The following USP21 variants were observed in gnomAD, a reference collection of about 807,000 sequenced individuals.
The protein encoded by USP21 is ubiquitin carboxyl-terminal hydrolase 21.
USP21 carries 37 observed loss-of-function variants against 70.8 expected under a neutral mutation model. The ratio of observed to expected loss-of-function variants is 0.52; its 90% CI spans 0.40 to 0.69. USP21 has a LOEUF of 0.69. USP21 is among the 30% of genes least tolerant of loss of function. The probability of loss-of-function intolerance (pLI) is 0.00; values close to 1 mark genes in which losing one functional copy is unlikely to be tolerated. For synonymous variants in USP21, 263 were observed against 283.1 expected (o/e 0.93, Z 0.71); for missense variants, 584 against 740.8 (o/e 0.79, Z 2.46).
Position 161,162,731 on chromosome 1 carries a change from G to T in USP21, c.893+5G>T. 1 of 1,608,216 alleles carries T rather than the reference G, an allele frequency of 6.2e-7. No homozygotes were observed. Among genetic ancestry groups the T allele is most frequent in the South Asian group, 1.1e-5 (1 of 90,960 alleles). On this transcript the variant is annotated splice_donor_5th_base_variant and intron_variant, in intron 6 of 13. Coordinates refer to ENST00000368002, the MANE Select transcript of USP21 (RefSeq NM_001014443.3). The surrounding 1 kb of genome is among the most constrained non-coding windows in gnomAD (Gnocchi z 4.1). Reference sequence around the variant, plus strand: ...TCCCTCCTTCTCTGGATACAGGTGGGAGAGCTGGAGGCTATGGGATTTCTC... The same window carrying T: ...TCCCTCCTTCTCTGGATACAGGTGGTAGAGCTGGAGGCTATGGGATTTCTC...
intron 8 of USP21, 55 bp downstream of exon 8, chr1:161,163,674 C>A (rs1658131074): frequency 1.3e-6 from 2 of 1,551,176 alleles, no homozygotes; most frequent in South Asian, 1.1e-5. Context: ...GGGGTACAGG[C>A]TTGGGGGGAA....
intron 13 of USP21, 89 bp downstream of exon 13, chr1:161,165,232 C>T (rs1658517663): frequency 2.1e-6 from 3 of 1,441,502 alleles, no homozygotes; most frequent in Non-Finnish European, 2.9e-6. Context: ...GAGCAGAGTG[C>T]CAGGTGAAAG....
At chr1:161,163,403 G>T (rs1238000781) in intron 7 of USP21, 152 bp from the exon 8 acceptor site, 5 of 720,084 alleles carry the variant, frequency 6.9e-6, no homozygotes, top group Non-Finnish European at 9.5e-6. Context: ...GTTCATTGAG[G>T]CATTATTCTT....
Position 161,161,377 on chromosome 1 carries a change from C to T in USP21, c.600+137C>T. ...TTACAGCAGTTTGGACATGCCTCTC[C>T]CTTGCTTAAATACCCTTGAGCCTCC... is the stretch of plus-strand genomic sequence containing the variant. On this transcript the variant is annotated intron_variant, in intron 3 of 13. Coordinates refer to ENST00000368002, the MANE Select transcript of USP21 (RefSeq NM_001014443.3). This position sits in a 1 kb window ranked among gnomAD's most constrained non-coding sequence, Gnocchi z 4.2. 2 of 1,166,282 alleles carry T rather than the reference C, an allele frequency of 1.7e-6. No homozygotes were observed. Among genetic ancestry groups the T allele is most frequent in the South Asian group, 3.1e-5 (2 of 63,632 alleles). 72.2% of individuals were successfully genotyped at this position (1,166,282 alleles called of 1,614,324 possible). A position where few individuals can be genotyped will look rare whatever the true frequency, so the allele number is the denominator to read the frequency against.
chr1:161,162,944 A>T lies in USP21; in HGVS notation c.919A>T (p.Lys307Ter). Residue 307 changes from lysine to a stop codon, truncating the protein, a stop_gained, in exon 7 of 14, where the codon AAG becomes TAG. Coordinates refer to ENST00000368002, the MANE Select transcript of USP21 (RefSeq NM_001014443.3). LOFTEE classifies it high-confidence loss of function. This position sits in a 1 kb window ranked among gnomAD's most constrained non-coding sequence, Gnocchi z 4.1. ...CCAGCAGGATGCCCAAGAGTTCCTG[A>T]AGCTCCTCATGGAGCGGCTACACCT... ...YSQQDAQEFL[K>*]LLMERLHLEI... 6.2e-7 allele frequency: 1 copy of T among 1,611,220 alleles called. No individual in the cohort carries two copies.
Position 161,164,437 on chromosome 1 carries a change from A to T in USP21, c.1306-97A>T. Reference sequence around the variant, plus strand: ...GAGAAGCCAAGAGGATCCAGCTGTAATGAAGAGCATACTAAATTTGTATGT... The same window carrying T: ...GAGAAGCCAAGAGGATCCAGCTGTATTGAAGAGCATACTAAATTTGTATGT... On this transcript the variant is annotated intron_variant, in intron 10 of 13. Transcript: ENST00000368002. This position sits in a 1 kb window ranked among gnomAD's most constrained non-coding sequence, Gnocchi z 4.2. The T allele has an allele frequency of 6.7e-7, 1 of 1,489,172 alleles. No homozygotes were observed. Among genetic ancestry groups the T allele is most frequent in the Non-Finnish European group, 9.3e-7 (1 of 1,071,866 alleles). 92.2% of individuals were successfully genotyped at this position (1,489,172 alleles called of 1,614,324 possible). A position where few individuals can be genotyped will look rare whatever the true frequency, so the allele number is the denominator to read the frequency against.
rs747000635 is a variant in USP21, at chr1:161,162,245, C to T, written c.661-25C>T. 8.1e-6 allele frequency: 13 copies of T among 1,606,918 alleles called. No homozygotes were observed. Among genetic ancestry groups the T allele is most frequent in the African/African-American group, 5.3e-5 (4 of 74,778 alleles). On this transcript the variant is annotated intron_variant, in intron 4 of 13. Transcript: ENST00000368002. This position sits in a 1 kb window ranked among gnomAD's most constrained non-coding sequence, Gnocchi z 4.1. ...CCTGGGCAGTGGTCTGGAGAGATAA[C>T]AGCAGTGTCCCTACTGCTCCCCAGT...
chr1:161,164,292 C>T lies in USP21; in HGVS notation c.1305+42C>T, dbSNP rs756279751. The T allele has an allele frequency of 6.4e-7, 1 of 1,571,558 alleles. No individual in the cohort carries two copies. Among genetic ancestry groups the T allele is most frequent in the South Asian group, 1.1e-5 (1 of 90,112 alleles). ...AAGGGATACAGTAAGGGTGGGAGAC[C>T]TGGGGGGACTCCATGTGGATAAAAG... On this transcript the variant is annotated intron_variant, in intron 10 of 13. Transcript: ENST00000368002. The surrounding 1 kb of genome is among the most constrained non-coding windows in gnomAD (Gnocchi z 4.2).
In USP21 at chr1:161,159,773, G is replaced by A. The variant is rs540465468; in HGVS notation, c.-163+95G>A. ...GAGGACACTCTCCACAAAGGCGCGT[G>A]GGGCCCGGCGGGGCCTGGGAGAACT... On this transcript the variant is annotated intron_variant, in intron 1 of 13. Transcript: ENST00000368002. 3.1e-3 allele frequency: 480 copies of A among 152,508 alleles called. 1 individual carries two copies. Among genetic ancestry groups the A allele is most frequent in the Non-Finnish European group, 5.7e-3 (388 of 68,152 alleles). 9.4% of individuals were successfully genotyped at this position (152,508 alleles called of 1,614,324 possible). A position where few individuals can be genotyped will look rare whatever the true frequency, so the allele number is the denominator to read the frequency against.
chr1:161,163,378 G>A lies in USP21; in HGVS notation c.1050-177G>A, dbSNP rs557309358. On this transcript the variant is annotated intron_variant, in intron 7 of 13. Transcript: ENST00000368002. ...CATTCCTTTCTTTTCCTCTCACCTC[G>A]GATTTCCCTAGAAAGTTCATTGAGG... 3.9e-5 allele frequency among the ~76,000 whole-genome samples: 6 copies of A among 152,122 alleles called. No individual in the cohort carries two copies. The South Asian group carries it at 8.3e-4, about 21-fold the overall frequency.
chr1:161,159,592 G>C lies in USP21; in HGVS notation c.-249G>C, dbSNP rs1004583454. The C allele has an allele frequency of 6.6e-5, 10 of 152,240 alleles. No homozygotes were observed. Among genetic ancestry groups the C allele is most frequent in the Admixed American group, 6.5e-4 (10 of 15,272 alleles). The allele number at this position is 152,240 out of a possible 1,614,324, so 9.4% of individuals were successfully genotyped here. A position where few individuals can be genotyped will look rare whatever the true frequency, so the allele number is the denominator to read the frequency against. On this transcript the variant is annotated 5_prime_UTR_variant, in exon 1 of 14. Transcript: ENST00000368002. ...CGGCTAAAGCTGCAGCCGGGCCCAC[G>C]GGGGGGCTGCACGGGGGTAGTAGGG...
Position 161,162,768 on chromosome 1 carries a change from C to G in USP21, c.893+42C>G, listed in dbSNP as rs887543567. 35 of 1,588,442 alleles carry G rather than the reference C, an allele frequency of 2.2e-5. No individual in the cohort carries two copies. Among genetic ancestry groups the G allele is most frequent in the Non-Finnish European group, 3.0e-5 (35 of 1,156,878 alleles). ...CTATGGGATTTCTCTCTGGCCATGT[C>G]TGGGGGTAGGGCCAAGCAAGGGCCC... On this transcript the variant is annotated intron_variant, in intron 6 of 13. Coordinates refer to ENST00000368002, the MANE Select transcript of USP21 (RefSeq NM_001014443.3). The surrounding 1 kb of genome is among the most constrained non-coding windows in gnomAD (Gnocchi z 4.1).
At chr1:161,160,182 G>C (rs1657789995) in intron 1 of USP21, 184 bp from the exon 2 acceptor site, 1 of 171,500 alleles carries the variant, frequency 5.8e-6, no homozygotes, top group South Asian at 1.3e-4. Context: ...TTACTAGCCG[G>C]GTATGGGGTC....
chr1:161,163,224 G>A (rs1045367310), intron 7 of USP21, 150 bp downstream of exon 7: 2 of 1,047,878 alleles, frequency 1.9e-6, no homozygotes, highest in Admixed American at 2.7e-5. Flanking sequence ...GAAGTAGAAG[G>A]AAGGAAGGAA....
Position 161,164,271 on chromosome 1 carries a change from G to A in USP21, c.1305+21G>A. The A allele has an allele frequency of 6.2e-7, 1 of 1,611,558 alleles. No individual in the cohort carries two copies. On this transcript the variant is annotated intron_variant, in intron 10 of 13. Coordinates refer to ENST00000368002, the MANE Select transcript of USP21 (RefSeq NM_001014443.3). This position sits in a 1 kb window ranked among gnomAD's most constrained non-coding sequence, Gnocchi z 4.2. ...CCCCAGTATGTGGAGGTTCACAAGG[G>A]ATACAGTAAGGGTGGGAGACCTGGG...
In USP21 at chr1:161,162,746, T is replaced by C. The variant is rs1658033236; in HGVS notation, c.893+20T>C. 6.2e-7 allele frequency: 1 copy of C among 1,601,596 alleles called. No individual in the cohort carries two copies. On this transcript the variant is annotated intron_variant, in intron 6 of 13. Transcript: ENST00000368002. The surrounding 1 kb of genome is among the most constrained non-coding windows in gnomAD (Gnocchi z 4.1). ...ATACAGGTGGGAGAGCTGGAGGCTA[T>C]GGGATTTCTCTCTGGCCATGTCTGG... is the stretch of plus-strand genomic sequence containing the variant.
intron 8 of USP21, 95 bp from the exon 9 acceptor site, chr1:161,163,783 G>A (rs933094547): frequency 1.5e-5 from 21 of 1,376,798 alleles, no homozygotes; most frequent in Non-Finnish European, 2.2e-5. Context: ...GGAAAGGAAG[G>A]GTCAAGCAAA....
Position 161,164,176 on chromosome 1 carries a change from G to A in USP21, c.1231G>A (p.Gly411Arg). ...SLPIPKKGFAGGKVSLRDCFN... is the reference protein window; with the variant it reads ...SLPIPKKGFARGKVSLRDCFN... ...CCTTTTCCCCCAGAAAGGATTTGCT[G>A]GGGGCAAGGTGTCTCTGCGGGATTG... The change falls in exon 10 of 14, where the codon GGG becomes AGG. Residue 411 changes from glycine to arginine, a missense_variant. Physicochemically the swap from Gly to Arg is moderately radical, Grantham distance 125. This residue lies in a region of USP21 where 173 missense variants were observed against 268.2 expected (regional missense o/e 0.65). Transcript: ENST00000368002. The surrounding 1 kb of genome is among the most constrained non-coding windows in gnomAD (Gnocchi z 4.2). 6 of 1,614,166 alleles carry A rather than the reference G, an allele frequency of 3.7e-6. No individual in the cohort carries two copies. Among genetic ancestry groups the A allele is most frequent in the South Asian group, 1.1e-5 (1 of 91,078 alleles).
intron 8 of USP21, 98 bp from the exon 9 acceptor site, chr1:161,163,780 A>G: frequency 7.3e-7 from 1 of 1,366,246 alleles, no homozygotes; most frequent in South Asian, 1.2e-5. Context: ...GTGGGAAAGG[A>G]AGGGTCAAGC....
Sources: gnomAD v4.1 joint callset for allele counts (sites outside exome capture counted in the v4.1 genomes callset) on GRCh38, gnomAD v4.1.1 for gene constraint, gnomAD v4.1.1 regional missense constraint, Gnocchi (gnomAD v3.1) non-coding constraint, MANE v1.5 for transcripts, NCBI Gene and HGNC (gene_info 2026-07-23, HGNC 2026-07-21) for gene names.